BRIP1: variants seen among roughly 807,000 people sequenced by gnomAD.
The protein encoded by BRIP1 is Fanconi anemia group J protein.
BRIP1 carries 88 observed loss-of-function variants against 119.7 expected under a neutral mutation model. The ratio of observed to expected loss-of-function variants is 0.74; its 90% CI spans 0.62 to 0.88. The LOEUF (loss-of-function observed/expected upper bound fraction) is 0.88, where lower values mean the gene tolerates loss of function less well. BRIP1 is among the 40% of genes least tolerant of loss of function. The probability of loss-of-function intolerance (pLI) is 0.00; values close to 1 mark genes in which losing one functional copy is unlikely to be tolerated. For missense variants in BRIP1, 1,259 were observed against 1,455.4 expected (o/e 0.87, Z 2.20); for synonymous variants, 443 against 496.5 (o/e 0.89, Z 1.43).
rs1603368466 is a variant in BRIP1 at position 61,861,492 on chromosome 17, G to A, written c.48C>T (p.Tyr16=). The A allele has an allele frequency of 6.2e-7, 1 of 1,613,438 alleles. No homozygotes were observed. Among genetic ancestry groups the A allele is most frequent in the Non-Finnish European group, 8.5e-7 (1 of 1,179,542 alleles). Residue 16 remains tyrosine (Y), a synonymous_variant, in exon 2 of 20, where the codon TAC becomes TAT. Coordinates refer to ENST00000259008, the MANE Select transcript of BRIP1 (RefSeq NM_032043.3). This position sits in a 1 kb window ranked among gnomAD's most constrained non-coding sequence, Gnocchi z 4.5. ...GTGACGGGTAAGCTTTATAAGGAAA[G>A]TAAATCTTCACCCCACCAATTGTAT... The part of the protein sequence containing the change: ...SEYTIGGVKI[Y]FPYKAYPSQL...
At chr17:61,786,805 TTA>T (rs952560242) in intron 10 of BRIP1, among the ~76,000 whole-genome samples, 4 of 130,728 alleles carry the variant, frequency 3.1e-5, no homozygotes, top group Admixed American at 8.9e-5. Flanking sequence ...TATTATATAT[TTA>T]TATATTTTAT....
In BRIP1 at chr17:61,848,691, A is replaced by G. The variant is rs974278219; in HGVS notation, c.507+438T>C. 6.6e-6 allele frequency among the ~76,000 whole-genome samples: 1 copy of G among 152,192 alleles called. No individual in the cohort carries two copies. Among genetic ancestry groups the G allele is most frequent in the Admixed American group, 6.5e-5 (1 of 15,272 alleles). The stretch of plus-strand genomic sequence containing the variant: ...AATATACATATTTTATCATGTATCA[A>G]TCTTAAAAACTCAGTAAGAATACAT... On this transcript the variant is annotated intron_variant, in intron 5 of 19. Coordinates refer to ENST00000259008, the MANE Select transcript of BRIP1 (RefSeq NM_032043.3). The surrounding 1 kb of genome is among the most constrained non-coding windows in gnomAD (Gnocchi z 4.3).
rs527791873 is a variant in BRIP1 at position 61,799,047 on chromosome 17, C to T, written c.1340+53G>A. The T allele has an allele frequency of 9.5e-5, 144 of 1,518,118 alleles. 2 individuals are homozygous for T. The South Asian group carries it at 1.6e-3, about 16-fold the overall frequency. 94.0% of individuals were successfully genotyped at this position (1,518,118 alleles called of 1,614,324 possible). On this transcript the variant is annotated intron_variant, in intron 9 of 19. Coordinates refer to ENST00000259008, the MANE Select transcript of BRIP1 (RefSeq NM_032043.3). This position sits in a 1 kb window ranked among gnomAD's most constrained non-coding sequence, Gnocchi z 5.1. ...CTTTAAATACTCTGGCATAATCAAACATATTTTTCATATAAAGGCAGCACA... is the reference window on the plus strand; with the variant it reads ...CTTTAAATACTCTGGCATAATCAAATATATTTTTCATATAAAGGCAGCACA...
chr17:61,754,686 G>A lies in BRIP1; in HGVS notation c.2098-10095C>T, dbSNP rs1171062740. On this transcript the variant is annotated intron_variant, in intron 14 of 19. Coordinates refer to ENST00000259008, the MANE Select transcript of BRIP1 (RefSeq NM_032043.3). This position sits in a 1 kb window ranked among gnomAD's most constrained non-coding sequence, Gnocchi z 4.1. ...TTATTTCTTACTTCTTGGCTATGAA[G>A]TCCAAGATAAAGGTGCCTGTTAACT... 1.3e-5 allele frequency among the ~76,000 whole-genome samples: 2 copies of A among 152,188 alleles called. No individual in the cohort carries two copies. The highest frequency in any genetic ancestry group is 4.8e-5 in the African/African-American group (2 of 41,444).
chr17:61,786,565 C>A (rs2077710642), intron 10 of BRIP1, among the ~76,000 whole-genome samples: 1 of 146,202 alleles, frequency 6.8e-6, no homozygotes, highest in African/African-American at 2.5e-5. Context: ...TTCCTTAATC[C>A]AATAAAAATA....
In BRIP1 at chr17:61,717,771, C is replaced by T. The variant is rs1006990419; in HGVS notation, c.2380-1708G>A. Among the ~76,000 whole-genome samples the T allele has an allele frequency of 4.6e-5, 7 of 151,932 alleles. No individual in the cohort carries two copies. Among genetic ancestry groups the T allele is most frequent in the African/African-American group, 1.7e-4 (7 of 41,380 alleles). ...TCTCTAAATATATATATTATTCTGCCTCGAAACTCTTCTTCTTAGACTCCA... is the reference window on the plus strand; with the variant it reads ...TCTCTAAATATATATATTATTCTGCTTCGAAACTCTTCTTCTTAGACTCCA... On this transcript the variant is annotated intron_variant, in intron 16 of 19. Transcript: ENST00000259008. This position sits in a 1 kb window ranked among gnomAD's most constrained non-coding sequence, Gnocchi z 4.1.
intron 10 of BRIP1, among the ~76,000 whole-genome samples, chr17:61,788,525 A>G (rs2145195261): frequency 6.6e-6 from 1 of 152,340 alleles, no homozygotes; most frequent in East Asian, 1.9e-4. Context: ...TACAATTCCA[A>G]AGGAAAATAA....
intron 6 of BRIP1, among the ~76,000 whole-genome samples, chr17:61,830,300 T>TAAAA (rs35560519): frequency 7.3e-6 from 1 of 137,306 alleles, no homozygotes; most frequent in Non-Finnish European, 1.5e-5. Flanking sequence ...CAATGGTAAT[T>TAAAA]AAAAAAAAAA....
At chr17:61,772,590 G>A (rs928340366) in intron 14 of BRIP1, among the ~76,000 whole-genome samples, 12 of 152,074 alleles carry the variant, frequency 7.9e-5, no homozygotes, top group African/African-American at 2.2e-4. Flanking sequence ...AGGCCAAGGC[G>A]GGCAGATCAT....
intron 17 of BRIP1, among the ~76,000 whole-genome samples, chr17:61,707,291 T>C (rs1348114084): frequency 3.3e-5 from 5 of 152,092 alleles, no homozygotes; most frequent in African/African-American, 7.2e-5. Context: ...TTTTGTAAGA[T>C]AGAGACCTGT....
rs190001305 is a variant in BRIP1 at position 61,833,180 on chromosome 17, C to A, written c.627+13921G>T. Among the ~76,000 whole-genome samples, 203 of 152,254 alleles carry A rather than the reference C, an allele frequency of 1.3e-3. 1 individual carries two copies. The highest frequency in any genetic ancestry group is 1.5e-4 in the Non-Finnish European group (10 of 68,022). On this transcript the variant is annotated intron_variant, in intron 6 of 19. Transcript: ENST00000259008. Reference sequence around the variant, plus strand: ...CACCACTGAATAGCTACACTCATGTCGGATGGGTTGCTATACATATTTATT... The same window carrying A: ...CACCACTGAATAGCTACACTCATGTAGGATGGGTTGCTATACATATTTATT...
intron 17 of BRIP1, among the ~76,000 whole-genome samples, chr17:61,711,798 G>T (rs561622753): frequency 1.3e-5 from 2 of 152,078 alleles, no homozygotes; most frequent in South Asian, 4.2e-4. Flanking sequence ...AACCTGGGAG[G>T]TAGAGGTTGC....
rs1023503805 is a variant in BRIP1 at position 61,686,573 on chromosome 17, C to T, written c.2576-408G>A. Among the ~76,000 whole-genome samples, 1 of 151,956 alleles carries T rather than the reference C, an allele frequency of 6.6e-6. No homozygotes were observed. The highest frequency in any genetic ancestry group is 2.4e-5 in the African/African-American group (1 of 41,384). Reference sequence around the variant, plus strand: ...CATTCTAATATTCTAAATTTTACTCCTTTTGCAAAAATAATTTCAAGATTC... The same window carrying T: ...CATTCTAATATTCTAAATTTTACTCTTTTTGCAAAAATAATTTCAAGATTC... On this transcript the variant is annotated intron_variant, in intron 18 of 19. Transcript: ENST00000259008. The surrounding 1 kb of genome is among the most constrained non-coding windows in gnomAD (Gnocchi z 5.4).
At chr17:61,826,194 G>A (rs2078404587) in intron 6 of BRIP1, among the ~76,000 whole-genome samples, 2 of 152,030 alleles carry the variant, frequency 1.3e-5, no homozygotes, top group South Asian at 4.1e-4. Context: ...AACTCGCTAG[G>A]CATATGTAGA....
intron 19 of BRIP1, chr17:61,685,437 A>C (rs74476244): frequency 0.021 from 4,195 of 197,210 alleles, 173 homozygotes; most frequent in African/African-American, 0.089. Context: ...AATTAGGCCA[A>C]ATTTTTATAT....
rs1358389705 is a variant in BRIP1 at position 61,814,075 on chromosome 17, T to G, written c.628-5318A>C. Among the ~76,000 whole-genome samples the G allele has an allele frequency of 6.6e-6, 1 of 152,040 alleles. No individual in the cohort carries two copies. The highest frequency in any genetic ancestry group is 2.4e-5 in the African/African-American group (1 of 41,446). On this transcript the variant is annotated intron_variant, in intron 6 of 19. Coordinates refer to ENST00000259008, the MANE Select transcript of BRIP1 (RefSeq NM_032043.3). The surrounding 1 kb of genome is among the most constrained non-coding windows in gnomAD (Gnocchi z 4.9). ...AGGGAAAAATAAAAAACACAAACTT[T>G]CAATTAATAGACTCTTTAGAGCAAG...
rs1423363607 is a variant in BRIP1 at position 61,857,103 on chromosome 17, T to TTGGATA, written c.328_333dup (p.Tyr110_Pro111dup). 2 of 1,614,052 alleles carry TTGGATA rather than the reference T, an allele frequency of 1.2e-6. No homozygotes were observed. The highest frequency in any genetic ancestry group is 1.7e-6 in the Non-Finnish European group (2 of 1,180,012). On this transcript the variant is annotated inframe_insertion, in exon 4 of 20. Transcript: ENST00000259008. This position sits in a 1 kb window ranked among gnomAD's most constrained non-coding sequence, Gnocchi z 5.1. ...CCATTTCTTTCAGAAGGTGGTGTGC[T>TTGGATA]TGGATAGTTGAAATGACGTGAAGTT...
chr17:61,860,763 C>T lies in BRIP1; in HGVS notation c.93+684G>A, dbSNP rs1309863806. 6.6e-6 allele frequency among the ~76,000 whole-genome samples: 1 copy of T among 152,142 alleles called. No homozygotes were observed. Among genetic ancestry groups the T allele is most frequent in the African/African-American group, 2.4e-5 (1 of 41,420 alleles). On this transcript the variant is annotated intron_variant, in intron 2 of 19. Coordinates refer to ENST00000259008, the MANE Select transcript of BRIP1 (RefSeq NM_032043.3). This position sits in a 1 kb window ranked among gnomAD's most constrained non-coding sequence, Gnocchi z 4.1. ...CAATAAGAAAATGGACAGATAAATT[C>T]TGGTATATTCATCCAATGGAATTTA...
chr17:61,718,382 T>C (rs1401889521), intron 16 of BRIP1, among the ~76,000 whole-genome samples: 2 of 152,190 alleles, frequency 1.3e-5, no homozygotes, highest in Admixed American at 1.3e-4. Context: ...AAGTACCCCA[T>C]GTGTTATGAA....
Sources: gnomAD v4.1 joint callset for allele counts (sites outside exome capture counted in the v4.1 genomes callset) on GRCh38, gnomAD v4.1.1 for gene constraint, Gnocchi (gnomAD v3.1) non-coding constraint, MANE v1.5 for transcripts, NCBI Gene and HGNC (gene_info 2026-07-23, HGNC 2026-07-21) for gene names.